Variants in RANBP17 observed in about 807,000 individuals in gnomAD.
RANBP17 encodes the protein ran-binding protein 17.
A neutral mutation model predicts 141.2 loss-of-function variants in RANBP17; 158 were observed. That is an observed-to-expected ratio of 1.12 (90% CI 0.98 to 1.28). The LOEUF (loss-of-function observed/expected upper bound fraction) is 1.28. RANBP17 is among the 50% of genes most tolerant of loss of function. RANBP17 has a pLI of 0.00. For missense variants in RANBP17, 1,438 were observed against 1,290.7 expected (o/e 1.11, Z -1.75); for synonymous variants, 430 against 450.0 (o/e 0.96, Z 0.56).
chr5:170,974,943 T>C (rs1777251080), intron 14 of RANBP17, among the ~76,000 whole-genome samples: 1 of 152,080 alleles, frequency 6.6e-6, no homozygotes, highest in Non-Finnish European at 1.5e-5. Context: ...AATCATTTTT[T>C]CTTCCAGGCC....
rs543686720 is a variant in RANBP17, at chr5:171,036,698, T to C, written c.1710+68321T>C. 3.6e-4 allele frequency among the ~76,000 whole-genome samples: 55 copies of C among 152,246 alleles called. 1 individual carries two copies. The South Asian group carries it at 0.011, about 30-fold the overall frequency. ...AGTAATAACATGTGGTATTTGTTTTTCTGTTCCTGTGTTGATTTGTTTAGG... is the reference window on the plus strand; with the variant it reads ...AGTAATAACATGTGGTATTTGTTTTCCTGTTCCTGTGTTGATTTGTTTAGG... On this transcript the variant is annotated intron_variant, in intron 14 of 27. Transcript: ENST00000523189.
In RANBP17 at chr5:171,050,440, A is replaced by T. The variant is rs926521220; in HGVS notation, c.1710+82063A>T. 3.9e-5 allele frequency among the ~76,000 whole-genome samples: 6 copies of T among 152,194 alleles called. No individual in the cohort carries two copies. The East Asian group carries it at 1.2e-3, about 29-fold the overall frequency. On this transcript the variant is annotated intron_variant, in intron 14 of 27. Transcript: ENST00000523189. The stretch of plus-strand genomic sequence containing the variant: ...TGTAACTTTTGCTTTTAACTGTAAT[A>T]CATATGTTATGTGGCTCACATCTTT...
intron 14 of RANBP17, among the ~76,000 whole-genome samples, chr5:171,154,649 A>C (rs970355354): frequency 5.3e-5 from 8 of 152,212 alleles, no homozygotes; most frequent in Admixed American, 4.6e-4. Flanking sequence ...ACTAGAACAA[A>C]TGTCAGTGAA....
At chr5:171,067,103 CCTT>C (rs1784357570) in intron 14 of RANBP17, among the ~76,000 whole-genome samples, 1 of 152,024 alleles carries the variant, frequency 6.6e-6, no homozygotes. Flanking sequence ...TCCTATACTG[CCTT>C]CTTCTTTGAT....
In RANBP17 at chr5:170,965,233, T is replaced by G. The variant is rs1776459811; in HGVS notation, c.1575-3009T>G. Among the ~76,000 whole-genome samples, 5 of 118,440 alleles carry G rather than the reference T, an allele frequency of 4.2e-5. No homozygotes were observed. The South Asian group carries it at 2.3e-3, about 55-fold the overall frequency. 77.7% of individuals were successfully genotyped at this position (118,440 alleles called of 152,430 possible). The stretch of plus-strand genomic sequence containing the variant: ...ATCTGTTCATGTCTTTTGCCCACTT[T>G]TTGATGGGGTTGTTTTTTTTTTTCT... On this transcript the variant is annotated intron_variant, in intron 13 of 27. Transcript: ENST00000523189.
At chr5:170,931,070 C>A (rs943467415) in intron 12 of RANBP17, among the ~76,000 whole-genome samples, 1 of 152,194 alleles carries the variant, frequency 6.6e-6, no homozygotes, top group African/African-American at 2.4e-5. Flanking sequence ...TCTCCAGCAC[C>A]TGTTGTTTCC....
chr5:171,095,829 A>G (rs571256346), intron 14 of RANBP17, among the ~76,000 whole-genome samples: 1 of 152,312 alleles, frequency 6.6e-6, no homozygotes, highest in Admixed American at 6.5e-5. Flanking sequence ...ACCTGCTAAT[A>G]ACCTACTGTT....
chr5:171,282,933 TG>T (rs1277078224), intron 25 of RANBP17, among the ~76,000 whole-genome samples: 1 of 152,162 alleles, frequency 6.6e-6, no homozygotes, highest in Non-Finnish European at 1.5e-5. Flanking sequence ...ACACAAGATC[TG>T]CGCCCAACCT....
At chr5:171,073,942 G>C (rs1023264543) in intron 14 of RANBP17, among the ~76,000 whole-genome samples, 2 of 151,582 alleles carry the variant, frequency 1.3e-5, no homozygotes, top group African/African-American at 4.9e-5. Flanking sequence ...CAAATGAATT[G>C]ATGAATTCTT....
At position 171,213,679 on chromosome 5, in the gene RANBP17, T is replaced by C. The variant is rs73323469; in HGVS notation, c.2280T>C (p.Tyr760=). The part of the protein sequence containing the change: ...PLLQNAVERW[Y]GEPTCTTPIL... The stretch of plus-strand genomic sequence containing the variant: ...TTCAGAATGCTGTTGAACGGTGGTA[T>C]GGAGAGCCAACATGTACAACTCCCA... The change falls in exon 21 of 28, where the codon TAT becomes TAC. Residue 760 remains tyrosine (Y), a synonymous_variant. Coordinates refer to ENST00000523189, the MANE Select transcript of RANBP17 (RefSeq NM_022897.5). 3 of 1,613,914 alleles carry C rather than the reference T, an allele frequency of 1.9e-6. No homozygotes were observed. The highest frequency in any genetic ancestry group is 2.5e-6 in the Non-Finnish European group (3 of 1,179,826).
At chr5:171,159,101 A>C (rs1352555434) in intron 14 of RANBP17, among the ~76,000 whole-genome samples, 1 of 152,228 alleles carries the variant, frequency 6.6e-6, no homozygotes, top group African/African-American at 2.4e-5. Flanking sequence ...TTTAATATAC[A>C]TGAATATCAT....
At chr5:171,030,624 T>C (rs1781497330) in intron 14 of RANBP17, among the ~76,000 whole-genome samples, 1 of 152,028 alleles carries the variant, frequency 6.6e-6, no homozygotes, top group African/African-American at 2.4e-5. Context: ...GAACATATCC[T>C]AACCCAATTT....
chr5:171,102,202 C>T (rs1787216036), intron 14 of RANBP17, among the ~76,000 whole-genome samples: 1 of 152,064 alleles, frequency 6.6e-6, no homozygotes, highest in African/African-American at 2.4e-5. Context: ...AACTTGGTTC[C>T]ATTCTTCCCG....
At chr5:171,207,829 A>G (rs1762666153) in intron 20 of RANBP17, 1 of 152,230 alleles carries the variant, frequency 6.6e-6, no homozygotes, top group South Asian at 2.1e-4. Flanking sequence ...ATTTATAATA[A>G]TAGTAAAATT....
intron 14 of RANBP17, among the ~76,000 whole-genome samples, chr5:171,146,821 T>A (rs1758057212): frequency 1.3e-5 from 2 of 152,194 alleles, no homozygotes; most frequent in East Asian, 1.9e-4. Context: ...GTCTACTTTT[T>A]ATTTTGTTGG....
chr5:171,216,796 T>G (rs1377134778), intron 21 of RANBP17, among the ~76,000 whole-genome samples: 1 of 152,214 alleles, frequency 6.6e-6, no homozygotes, highest in Non-Finnish European at 1.5e-5. Context: ...CTTATCAGTT[T>G]AAGGAGTTTT....
At position 171,221,806 on chromosome 5, in the gene RANBP17, C is replaced by T. The variant is rs773577683; in HGVS notation, c.2388C>T (p.Leu796=). ...FDVSSPNGIL[L]FREASKMVCT... ...TATCATCTCCTAATGGAATTCTTCT[C>T]TTCAGAGAAGCTAGTAAAATGGTTT... Residue 796 remains leucine, a synonymous_variant, in exon 22 of 28, where the codon CTC becomes CTT. Coordinates refer to ENST00000523189, the MANE Select transcript of RANBP17 (RefSeq NM_022897.5). 5 of 1,610,070 alleles carry T rather than the reference C, an allele frequency of 3.1e-6. No individual in the cohort carries two copies. Among genetic ancestry groups the T allele is most frequent in the Non-Finnish European group, 4.2e-6 (5 of 1,176,782 alleles).
intron 12 of RANBP17, among the ~76,000 whole-genome samples, chr5:170,931,904 C>A (rs1773422617): frequency 1.3e-5 from 2 of 152,092 alleles, no homozygotes; most frequent in Admixed American, 6.6e-5. Context: ...TTTTTTGGTT[C>A]CATATGAACT....
intron 25 of RANBP17, among the ~76,000 whole-genome samples, chr5:171,277,284 C>T (rs1767548256): frequency 6.6e-6 from 1 of 151,722 alleles, no homozygotes; most frequent in Non-Finnish European, 1.5e-5. Context: ...GGATCGTCTC[C>T]CTGCATCACA....
Sources: gnomAD v4.1 joint callset for allele counts (sites outside exome capture counted in the v4.1 genomes callset) on GRCh38, gnomAD v4.1.1 for gene constraint, MANE v1.5 for transcripts, NCBI Gene and HGNC (gene_info 2026-07-23, HGNC 2026-07-21) for gene names.